ATP6V0C: variants seen among roughly 807,000 people sequenced by gnomAD.
ATP6V0C encodes the protein V-type proton ATPase 16 kDa proteolipid subunit c.
A neutral mutation model predicts 10.6 loss-of-function variants in ATP6V0C; 2 were observed. The observed-to-expected ratio is 0.19, with a 90% CI of 0.08 to 0.59. ATP6V0C has a LOEUF of 0.59. Ranked by LOEUF, ATP6V0C falls within the 20% of genes least tolerant of loss-of-function variation. The pLI, the probability that ATP6V0C is intolerant of heterozygous loss-of-function variation, is 0.90. For missense variants in ATP6V0C, 89 were observed against 225.9 expected (o/e 0.39, Z 3.88); for synonymous variants, 128 against 101.3 (o/e 1.26, Z -1.59).
intron 1 of ATP6V0C, among the ~76,000 whole-genome samples, chr16:2,514,659 C>T (rs977734705): frequency 5.9e-5 from 9 of 152,112 alleles, no homozygotes; most frequent in Non-Finnish European, 1.3e-4. Context: ...GGTGGGGAGC[C>T]CATGTCCCCC....
chr16:2,515,563 GT>G (rs2065873190), intron 1 of ATP6V0C, among the ~76,000 whole-genome samples: 1 of 152,140 alleles, frequency 6.6e-6, no homozygotes, highest in Non-Finnish European at 1.5e-5. Flanking sequence ...GGTGGAAGAA[GT>G]GGTCTAGACT....
At chr16:2,513,936 C>A (rs568973580), upstream of ATP6V0C, 245 of 579,704 alleles carry the variant, frequency 4.2e-4, no homozygotes, top group African/African-American at 2.5e-3. Flanking sequence ...TGTGACGCGG[C>A]CGCGGCCGCC....
chr16:2,517,669 C>G (rs147653861), intron 1 of ATP6V0C: 1 of 152,024 alleles, frequency 6.6e-6, no homozygotes, highest in Non-Finnish European at 1.5e-5. Context: ...TAGTCCTGGT[C>G]CCTTCCACCT....
chr16:2,520,083 C>G lies in ATP6V0C; in HGVS notation c.*338C>G, dbSNP rs915273767. On this transcript the variant is annotated 3_prime_UTR_variant, in exon 3 of 3. Transcript: ENST00000330398. ...CCTGCGTCTGCGGAGCGGCCCTTGT[C>G]TCCCAGCTATCTATAACCTTAGCTA... 2 of 618,884 alleles carry G rather than the reference C, an allele frequency of 3.2e-6. No individual in the cohort carries two copies. Among genetic ancestry groups the G allele is most frequent in the Admixed American group, 4.2e-5 (2 of 47,246 alleles). The allele number at this position is 618,884 out of a possible 1,614,324, so 38.3% of individuals were successfully genotyped here. A position where few individuals can be genotyped will look rare whatever the true frequency, so the allele number is the denominator to read the frequency against.
Position 2,519,375 on chromosome 16 carries a change from C to G in ATP6V0C, c.237C>G (p.Ser79=). The G allele has an allele frequency of 6.2e-7, 1 of 1,613,858 alleles. No individual in the cohort carries two copies. ...TGGTGGCAGTCCTCATCGCCAACTC[C>G]CTGAATGACGACATCAGCCTCTACA... ...GLVVAVLIAN[S]LNDDISLYKS... The change falls in exon 2 of 3, where the codon TCC becomes TCG. Residue 79 remains serine, a synonymous_variant. Transcript: ENST00000330398.
intron 1 of ATP6V0C, 36 bp downstream of exon 1, chr16:2,514,218 G>A (rs1197730867): frequency 1.3e-6 from 2 of 1,520,110 alleles, no homozygotes; most frequent in Non-Finnish European, 1.8e-6. Flanking sequence ...GGGGGCGGGG[G>A]CGCGCGCGTT....
chr16:2,516,040 T>G (rs569981361), intron 1 of ATP6V0C, among the ~76,000 whole-genome samples: 1 of 152,138 alleles, frequency 6.6e-6, no homozygotes, highest in East Asian at 1.9e-4. Flanking sequence ...TAAACGTGGC[T>G]TACTGTGGCT....
At chr16:2,518,550 C>T (rs943162681) in intron 1 of ATP6V0C, among the ~76,000 whole-genome samples, 5 of 152,246 alleles carry the variant, frequency 3.3e-5, no homozygotes, top group African/African-American at 9.6e-5. Flanking sequence ...TGTCTCCTGT[C>T]TGGTAGAGAA....
At chr16:2,514,237 C>G (rs1452525590) in intron 1 of ATP6V0C, 55 bp downstream of exon 1, 2 of 1,478,584 alleles carry the variant, frequency 1.4e-6, no homozygotes, top group South Asian at 1.3e-5. Context: ...TTGCTCATGC[C>G]CGCAGCTCGC....
intron 1 of ATP6V0C, 109 bp downstream of exon 1, chr16:2,514,291 T>A: frequency 1.6e-6 from 2 of 1,225,474 alleles, no homozygotes; most frequent in Non-Finnish European, 2.1e-6. Flanking sequence ...TCCCGAGCTG[T>A]CGGGGGCGCC....
intron 1 of ATP6V0C, among the ~76,000 whole-genome samples, chr16:2,518,357 CTGGA>C (rs1367974192): frequency 2.0e-5 from 3 of 152,262 alleles, no homozygotes; most frequent in African/African-American, 7.2e-5. Flanking sequence ...ACAGGCCACC[CTGGA>C]GCCCAGCCCA....
intron 1 of ATP6V0C, chr16:2,517,002 T>G (rs972516632): frequency 2.6e-5 from 4 of 152,614 alleles, no homozygotes; most frequent in African/African-American, 9.6e-5. Flanking sequence ...GAAAAGGGCC[T>G]GGCTCACTTC....
Position 2,519,905 on chromosome 16 carries a change from G to GCCCCCC in ATP6V0C, c.*165_*166insCCCCCC. On this transcript the variant is annotated 3_prime_UTR_variant, in exon 3 of 3. Transcript: ENST00000330398. Reference sequence around the variant, plus strand: ...GCCCATCGTCTGTTTCCCCGGCCTTGCCCCCGCCCGCCCCGTGCCGTGGAC... The same window carrying GCCCCCC: ...GCCCATCGTCTGTTTCCCCGGCCTTGCCCCCCCCCCCGCCCGCCCCGTGCCGTGGAC... 5 of 1,016,258 alleles carry GCCCCCC rather than the reference G, an allele frequency of 4.9e-6. No individual in the cohort carries two copies. The highest frequency in any genetic ancestry group is 1.4e-5 in the South Asian group (1 of 72,634). The allele number at this position is 1,016,258 out of a possible 1,614,324, so 63.0% of individuals were successfully genotyped here. A position where few individuals can be genotyped will look rare whatever the true frequency, so the allele number is the denominator to read the frequency against.
At position 2,514,086 on chromosome 16, in the gene ATP6V0C, C is replaced by A. The variant is rs1471670460; in HGVS notation, c.-18C>A. The A allele has an allele frequency of 1.3e-6, 2 of 1,563,878 alleles. No individual in the cohort carries two copies. Among genetic ancestry groups the A allele is most frequent in the African/African-American group, 2.8e-5 (2 of 71,086 alleles). On this transcript the variant is annotated 5_prime_UTR_variant, in exon 1 of 3. Coordinates refer to ENST00000330398, the MANE Select transcript of ATP6V0C (RefSeq NM_001694.4). The stretch of plus-strand genomic sequence containing the variant: ...ACCGCCTCGGCCCGCAGAGCTTGCC[C>A]CCTCCCCACCCGCAGACATGTCCGA...
intron 1 of ATP6V0C, chr16:2,518,855 G>C (rs2065891555): frequency 4.1e-6 from 1 of 246,822 alleles, no homozygotes; most frequent in African/African-American, 2.3e-5. Flanking sequence ...GACTGACCCT[G>C]ACCCCACATG....
Position 2,520,117 on chromosome 16 carries a change from C to T in ATP6V0C, c.*372C>T, listed in dbSNP as rs932220469. On this transcript the variant is annotated 3_prime_UTR_variant, in exon 3 of 3. Transcript: ENST00000330398. ...ATCTATAACCTTAGCTAGAGTGTCG[C>T]CTTGTGGGTTCCTGTTGCTGAGACT... is the stretch of plus-strand genomic sequence containing the variant. 63 of 578,738 alleles carry T rather than the reference C, an allele frequency of 1.1e-4. No homozygotes were observed. The highest frequency in any genetic ancestry group is 9.6e-4 in the African/African-American group (52 of 53,994). 35.9% of individuals were successfully genotyped at this position (578,738 alleles called of 1,614,324 possible).
In ATP6V0C at chr16:2,514,170, A is replaced by C; in HGVS notation, c.67A>C (p.Met23Leu). 6.3e-7 allele frequency: 1 copy of C among 1,579,076 alleles called. No individual in the cohort carries two copies. Among genetic ancestry groups the C allele is most frequent in the Non-Finnish European group, 8.6e-7 (1 of 1,163,652 alleles). Residue 23 changes from methionine (M) to leucine (L), a missense_variant, in exon 1 of 3, where the codon ATG (methionine) becomes CTG (leucine). Met to Leu is a conservative substitution (Grantham distance 15, BLOSUM62 2). Transcript: ENST00000330398. The stretch of plus-strand genomic sequence containing the variant: ...CGCCGTCATGGGCGCCTCGGCCGCC[A>C]TGGTCTTCAGCGGTGAGCGCGGCGG... ...FFAVMGASAA[M>L]VFSALGAAYG... is the part of the protein sequence containing the mutation.
chr16:2,518,474 C>G (rs1167291353), intron 1 of ATP6V0C, among the ~76,000 whole-genome samples: 1 of 152,168 alleles, frequency 6.6e-6, no homozygotes, highest in Non-Finnish European at 1.5e-5. Context: ...TCAGCTGAGG[C>G]CTCGTAGTTG....
chr16:2,519,963 C>G lies in ATP6V0C; in HGVS notation c.*218C>G. The stretch of plus-strand genomic sequence containing the variant: ...CCCACTCATCGCCCCTCCAGGCCCC[C>G]GGCGCCCCACCCCCTAGAGTGCTCT... On this transcript the variant is annotated 3_prime_UTR_variant, in exon 3 of 3. Coordinates refer to ENST00000330398, the MANE Select transcript of ATP6V0C (RefSeq NM_001694.4). 1 of 720,466 alleles carries G rather than the reference C, an allele frequency of 1.4e-6. No homozygotes were observed. The highest frequency in any genetic ancestry group is 2.5e-6 in the Non-Finnish European group (1 of 403,926). 44.6% of individuals were successfully genotyped at this position (720,466 alleles called of 1,614,324 possible). A position where few individuals can be genotyped will look rare whatever the true frequency, so the allele number is the denominator to read the frequency against.
Sources: allele counts gnomAD v4.1 joint callset (sites outside exome capture counted in the v4.1 genomes callset), GRCh38; gene constraint gnomAD v4.1.1; transcripts MANE v1.5; gene names NCBI Gene and HGNC (gene_info 2026-07-23, HGNC 2026-07-21).